Variants in PPP2R3A observed in about 807,000 individuals in gnomAD.
The protein encoded by PPP2R3A is protein phosphatase 2 regulatory subunit B''alpha, also known as serine/threonine-protein phosphatase 2A regulatory subunit B'' subunit alpha.
In PPP2R3A, 80 loss-of-function variants were observed where a neutral mutation model predicts 106.9. The ratio of observed to expected loss-of-function variants is 0.75; its 90% CI spans 0.62 to 0.90. The LOEUF (loss-of-function observed/expected upper bound fraction) is 0.90, where lower values mean the gene tolerates loss of function less well. Ranked by LOEUF, PPP2R3A falls within the 40% of genes least tolerant of loss-of-function variation. The probability of loss-of-function intolerance (pLI) is 0.00; values close to 1 mark genes in which losing one functional copy is unlikely to be tolerated. For missense variants in PPP2R3A, 1,386 were observed against 1,350.4 expected, an observed-to-expected ratio of 1.03 and a Z score of -0.41; for synonymous variants, 483 against 468.3, an observed-to-expected ratio of 1.03 and a Z score of -0.41.
At chr3:135,977,194 T>C (rs1283281181) in intron 1 of PPP2R3A, among the ~76,000 whole-genome samples, 1 of 152,160 alleles carries the variant, frequency 6.6e-6, no homozygotes, top group Non-Finnish European at 1.5e-5. Flanking sequence ...TACCACTCAA[T>C]GTTAAGGAAA....
chr3:136,060,589 G>A (rs1196428379), intron 5 of PPP2R3A, among the ~76,000 whole-genome samples: 1 of 152,092 alleles, frequency 6.6e-6, no homozygotes, highest in Non-Finnish European at 1.5e-5. Flanking sequence ...AGATATGCTT[G>A]CTTCCCCTTC....
At chr3:136,144,551 C>T (rs1238896064) in intron 13 of PPP2R3A, among the ~76,000 whole-genome samples, 1 of 151,986 alleles carries the variant, frequency 6.6e-6, no homozygotes, top group Non-Finnish European at 1.5e-5. Flanking sequence ...GTCCCAGCTA[C>T]TGAGGAGGCT....
intron 5 of PPP2R3A, among the ~76,000 whole-genome samples, chr3:136,060,079 T>A (rs1223792877): frequency 6.6e-6 from 1 of 152,112 alleles, no homozygotes; most frequent in Non-Finnish European, 1.5e-5. Context: ...AACCAAACCC[T>A]CTTGACGCAA....
chr3:136,111,961 T>C (rs953107923), intron 13 of PPP2R3A, among the ~76,000 whole-genome samples: 5 of 152,216 alleles, frequency 3.3e-5, no homozygotes, highest in African/African-American at 1.2e-4. Flanking sequence ...ATGTAGGCTT[T>C]ATTCCTGGGA....
intron 4 of PPP2R3A, among the ~76,000 whole-genome samples, chr3:136,041,775 C>T (rs979349565): frequency 3.9e-5 from 6 of 152,188 alleles, no homozygotes; most frequent in African/African-American, 7.2e-5. Context: ...AACTGAAGGA[C>T]TAGTATATTT....
chr3:136,021,991 G>A (rs571165753), intron 2 of PPP2R3A, among the ~76,000 whole-genome samples: 45 of 152,118 alleles, frequency 3.0e-4, no homozygotes, highest in Admixed American at 1.5e-3. Context: ...ATTTTGGTCC[G>A]TGGAGGGTCC....
intron 7 of PPP2R3A, 100 bp downstream of exon 7, chr3:136,078,553 C>A: frequency 2.7e-6 from 2 of 738,334 alleles, no homozygotes; most frequent in Non-Finnish European, 4.6e-6. Flanking sequence ...AAAGCACTGT[C>A]ACTACTTTCA....
intron 6 of PPP2R3A, among the ~76,000 whole-genome samples, chr3:136,076,423 A>G (rs1218273257): frequency 1.3e-5 from 2 of 152,184 alleles, no homozygotes; most frequent in Non-Finnish European, 2.9e-5. Context: ...TTTGCACATT[A>G]TATATGATTC....
rs1253069079 is a variant in PPP2R3A at position 136,087,872 on chromosome 3, TCTACA to T, written c.2789-10_2789-6del. On this transcript the variant is annotated splice_region_variant and splice_polypyrimidine_tract_variant and intron_variant, in intron 8 of 13. Transcript: ENST00000264977. ...AACTAGCTTTGCAATTTTTTTTTTA[TCTACA>T]TTTAGCTTCATCAAGCAGGATTATT... The T allele has an allele frequency of 6.3e-7, 1 of 1,598,734 alleles. No individual in the cohort carries two copies. The highest frequency in any genetic ancestry group is 1.4e-5 in the African/African-American group (1 of 73,198).
chr3:136,121,749 CT>C (rs1177601318), intron 13 of PPP2R3A, among the ~76,000 whole-genome samples: 1 of 151,428 alleles, frequency 6.6e-6, no homozygotes, highest in Non-Finnish European at 1.5e-5. Context: ...GGAATGAGAG[CT>C]TCTGAAAATT....
chr3:136,128,248 T>A (rs1938259820), intron 13 of PPP2R3A, among the ~76,000 whole-genome samples: 1 of 151,616 alleles, frequency 6.6e-6, no homozygotes, highest in Non-Finnish European at 1.5e-5. Flanking sequence ...GACCCACTGG[T>A]GTGCTGTATT....
In PPP2R3A at chr3:136,090,629, G is replaced by C. The variant is rs575832389; in HGVS notation, c.2889G>C (p.Trp963Cys). The C allele has an allele frequency of 2.5e-6, 4 of 1,613,620 alleles. No individual in the cohort carries two copies. The highest frequency in any genetic ancestry group is 3.4e-6 in the Non-Finnish European group (4 of 1,179,712). The part of the protein sequence containing the change: ...EGRMSYADFV[W>C]FLISEEDKRN... The stretch of plus-strand genomic sequence containing the variant: ...GAATGAGCTATGCAGATTTTGTTTG[G>C]TTTTTGATCTCTGAAGAAGACAAAA... The change falls in exon 10 of 14, where the codon TGG becomes TGC. Residue 963 changes from tryptophan (W) to cysteine (C), a missense_variant. Coordinates refer to ENST00000264977, the MANE Select transcript of PPP2R3A (RefSeq NM_002718.5).
At chr3:136,037,060 A>G (rs1274040791) in intron 3 of PPP2R3A, among the ~76,000 whole-genome samples, 4 of 152,244 alleles carry the variant, frequency 2.6e-5, no homozygotes, top group East Asian at 1.9e-4. Context: ...AGAGCAATAA[A>G]TGAATGTTCT....
At chr3:136,005,004 C>T (rs1204707609) in intron 2 of PPP2R3A, among the ~76,000 whole-genome samples, 1 of 152,154 alleles carries the variant, frequency 6.6e-6, no homozygotes, top group Non-Finnish European at 1.5e-5. Flanking sequence ...TGCATATTGT[C>T]ATCAGATGAA....
rs747811648 is a variant in PPP2R3A, at chr3:136,138,695, A to ATTTTTTTTTTTTTTTTT, written c.3330-6329_3330-6313dup. Among the ~76,000 whole-genome samples the ATTTTTTTTTTTTTTTTT allele has an allele frequency of 2.4e-4, 12 of 50,638 alleles. 1 individual carries two copies. The highest frequency in any genetic ancestry group is 5.5e-4 in the African/African-American group (6 of 10,850). The allele number at this position is 50,638 out of a possible 152,430, so 33.2% of individuals were successfully genotyped here. On this transcript the variant is annotated intron_variant, in intron 13 of 13. Coordinates refer to ENST00000264977, the MANE Select transcript of PPP2R3A (RefSeq NM_002718.5). ...AGACTCCAAACTAGAGAAATATTGA[A>ATTTTTTTTTTTTTTTTT]TTTTTTTTTTTTTTTTTTTTTTTTT...
chr3:136,068,751 A>T (rs1466310281), intron 5 of PPP2R3A, among the ~76,000 whole-genome samples: 1 of 150,658 alleles, frequency 6.6e-6, no homozygotes, highest in East Asian at 1.9e-4. Flanking sequence ...TTTATCTATT[A>T]TTAAGAGAAA....
In PPP2R3A at chr3:136,146,987, T is replaced by G. The variant is rs1211596978; in HGVS notation, c.*1821T>G. On this transcript the variant is annotated 3_prime_UTR_variant, in exon 14 of 14. Coordinates refer to ENST00000264977, the MANE Select transcript of PPP2R3A (RefSeq NM_002718.5). ...AAAATTCAATTTTACAATATACATT[T>G]TTTTTTTTAACTATTTGGCTTTACC... The G allele has an allele frequency of 6.6e-6, 1 of 152,144 alleles. No individual in the cohort carries two copies. Among genetic ancestry groups the G allele is most frequent in the Non-Finnish European group, 1.5e-5 (1 of 68,034 alleles). The allele number at this position is 152,144 out of a possible 1,614,324, so 9.4% of individuals were successfully genotyped here.
chr3:136,013,180 G>GTGTGTGTATGTA (rs1160060556), intron 2 of PPP2R3A, among the ~76,000 whole-genome samples: 9 of 142,166 alleles, frequency 6.3e-5, no homozygotes, highest in African/African-American at 2.0e-4. Context: ...GTGTGTGTGT[G>GTGTGTGTATGTA]TGTATGTATG....
chr3:136,002,446 C>T lies in PPP2R3A; in HGVS notation c.948C>T (p.Ser316=). The T allele has an allele frequency of 1.2e-6, 2 of 1,613,950 alleles. No homozygotes were observed. Among genetic ancestry groups the T allele is most frequent in the Non-Finnish European group, 1.7e-6 (2 of 1,179,854 alleles). ...CAGAACTGATCAGTAATATGCCTAGCTTACAACTGACTCCCTTCTCCCCAG... is the reference window on the plus strand; with the variant it reads ...CAGAACTGATCAGTAATATGCCTAGTTTACAACTGACTCCCTTCTCCCCAG... The part of the protein sequence containing the change: ...DLTELISNMP[S]LQLTPFSPVF... Residue 316 remains serine, a synonymous_variant, in exon 2 of 14, where the codon AGC becomes AGT. Coordinates refer to ENST00000264977, the MANE Select transcript of PPP2R3A (RefSeq NM_002718.5).
Sources: gnomAD v4.1 joint callset for allele counts (sites outside exome capture counted in the v4.1 genomes callset) on GRCh38, gnomAD v4.1.1 for gene constraint, MANE v1.5 for transcripts, NCBI Gene and HGNC (gene_info 2026-07-23, HGNC 2026-07-21) for gene names.